Variants in KIZ observed in about 807,000 individuals in gnomAD.
The protein encoded by KIZ is kizuna centrosomal protein.
KIZ carries 68 observed loss-of-function variants against 79.6 expected under a neutral mutation model. That is an observed-to-expected ratio of 0.85 (90% CI 0.70 to 1.05). The LOEUF (loss-of-function observed/expected upper bound fraction) is 1.05, where lower values mean the gene tolerates loss of function less well. Among genes scored for constraint, KIZ ranks in the 50% least tolerant of loss-of-function variants. KIZ has a pLI of 0.00. For synonymous variants in KIZ, 280 were observed against 281.8 expected (o/e 0.99, Z 0.06); for missense variants, 797 against 800.4 (o/e 1.00, Z 0.05).
At chr20:21,173,577 CAAAAAAAAA>C (rs749330317) in intron 6 of KIZ, among the ~76,000 whole-genome samples, 2 of 37,328 alleles carry the variant, frequency 5.4e-5, no homozygotes, top group Non-Finnish European at 1.4e-4. Flanking sequence ...GATGCCGTCT[CAAAAAAAAA>C]AAAAAAAAAA....
At chr20:21,183,034 T>C (rs962323217) in intron 6 of KIZ, among the ~76,000 whole-genome samples, 2 of 152,008 alleles carry the variant, frequency 1.3e-5, no homozygotes, top group Non-Finnish European at 2.9e-5. Context: ...CTAAACAAAA[T>C]TGGGGTCCCA....
chr20:21,214,573 T>C lies in KIZ; in HGVS notation c.1485T>C (p.Cys495=). The C allele has an allele frequency of 6.2e-7, 1 of 1,613,576 alleles. No homozygotes were observed. Among genetic ancestry groups the C allele is most frequent in the African/African-American group, 1.3e-5 (1 of 75,052 alleles). The change falls in exon 8 of 13, where the codon TGT becomes TGC. Residue 495 remains cysteine, a synonymous_variant. Transcript: ENST00000619189. ...TGAGAAAAGCCCTTACAGAAGAGTGTGGCCGTAGGTCAGCTATTCACAGTA... is the reference window on the plus strand; with the variant it reads ...TGAGAAAAGCCCTTACAGAAGAGTGCGGCCGTAGGTCAGCTATTCACAGTA... ...ALLRKALTEE[C]GRRSAIHSSE... is the part of the protein sequence containing the mutation.
intron 6 of KIZ, among the ~76,000 whole-genome samples, chr20:21,181,440 T>C (rs895459162): frequency 1.3e-5 from 2 of 152,116 alleles, no homozygotes; most frequent in African/African-American, 2.4e-5. Context: ...AAATTTGAAT[T>C]ACTGAAAAGC....
chr20:21,229,358 A>T (rs1410404449), intron 10 of KIZ, among the ~76,000 whole-genome samples: 2 of 152,240 alleles, frequency 1.3e-5, no homozygotes, highest in East Asian at 3.9e-4. Context: ...GGATTCTGCC[A>T]AGCATGTCAT....
In KIZ at chr20:21,239,348, G is replaced by A. The variant is rs139498976; in HGVS notation, c.1881-4897G>A. On this transcript the variant is annotated intron_variant, in intron 11 of 12. Coordinates refer to ENST00000619189, the MANE Select transcript of KIZ (RefSeq NM_018474.6). ...TACTGCTTCTCAGGAGGCCCTGTGG[G>A]GCGGGTGTCTACAACGTGTACATTT... Among the ~76,000 whole-genome samples, 453 of 152,282 alleles carry A rather than the reference G, an allele frequency of 3.0e-3. 2 individuals are homozygous for A. Among genetic ancestry groups the A allele is most frequent in the African/African-American group, 0.011 (447 of 41,548 alleles).
chr20:21,244,882 A>G (rs1056432443), intron 12 of KIZ: 6 of 152,944 alleles, frequency 3.9e-5, no homozygotes, highest in African/African-American at 1.4e-4. Flanking sequence ...CTTTGGGTCA[A>G]GCCACAGTCA....
rs1455656585 is a variant in KIZ at position 21,163,071 on chromosome 20, G to T, written c.1264G>T (p.Ala422Ser). 1 of 1,613,628 alleles carries T rather than the reference G, an allele frequency of 6.2e-7. No homozygotes were observed. Among genetic ancestry groups the T allele is most frequent in the Non-Finnish European group, 8.5e-7 (1 of 1,179,586 alleles). The change falls in exon 6 of 13, where the codon GCC becomes TCC. Residue 422 changes from alanine to serine, a missense_variant. Coordinates refer to ENST00000619189, the MANE Select transcript of KIZ (RefSeq NM_018474.6). ...KLIHAEQERVALSTEKNCILQ... is the reference protein window; with the variant it reads ...KLIHAEQERVSLSTEKNCILQ... ...AATCCATGCTGAGCAAGAAAGAGTTGCCCTATCCACTGAAAAAAATTGTAT... is the reference window on the plus strand; with the variant it reads ...AATCCATGCTGAGCAAGAAAGAGTTTCCCTATCCACTGAAAAAAATTGTAT...
intron 3 of KIZ, chr20:21,138,996 A>G (rs1600363019): frequency 6.9e-6 from 1 of 145,300 alleles, no homozygotes; most frequent in African/African-American, 2.6e-5. Context: ...CTCCCATCCA[A>G]GTATGAAACC....
chr20:21,211,779 A>G (rs1229024146), intron 7 of KIZ, among the ~76,000 whole-genome samples: 1 of 152,196 alleles, frequency 6.6e-6, no homozygotes, highest in Non-Finnish European at 1.5e-5. Context: ...TGTGTTACAG[A>G]CGTTTTCCTG....
At chr20:21,129,118 G>A (rs1301430585) in intron 1 of KIZ, among the ~76,000 whole-genome samples, 5 of 152,174 alleles carry the variant, frequency 3.3e-5, no homozygotes, top group African/African-American at 9.7e-5. Context: ...CTGGTTTTTA[G>A]TATTAAATTT....
intron 6 of KIZ, among the ~76,000 whole-genome samples, chr20:21,182,892 A>G (rs2034719251): frequency 6.6e-6 from 1 of 151,544 alleles, no homozygotes; most frequent in Non-Finnish European, 1.5e-5. Context: ...CTCTTTAAAT[A>G]TGTGCTCAAG....
intron 6 of KIZ, among the ~76,000 whole-genome samples, chr20:21,170,037 G>C (rs1335808901): frequency 2.0e-5 from 3 of 152,126 alleles, no homozygotes; most frequent in Admixed American, 6.5e-5. Context: ...ATATCTCTGT[G>C]CAGGTTTTTG....
At chr20:21,238,332 T>C (rs2037095259) in intron 11 of KIZ, among the ~76,000 whole-genome samples, 1 of 94,442 alleles carries the variant, frequency 1.1e-5, no homozygotes, top group Admixed American at 1.1e-4. Context: ...TGCATAAGGG[T>C]GTGAGAGAGA....
intron 4 of KIZ, among the ~76,000 whole-genome samples, chr20:21,146,014 A>G (rs1347021982): frequency 1.3e-5 from 2 of 152,240 alleles, no homozygotes; most frequent in African/African-American, 4.8e-5. Flanking sequence ...GTGCGAATAT[A>G]CATAATTTTG....
At chr20:21,228,973 A>G in intron 9 of KIZ, 38 bp from the exon 10 acceptor site, 1 of 1,191,356 alleles carries the variant, frequency 8.4e-7, no homozygotes, top group Non-Finnish European at 1.2e-6. Context: ...CTGGCCAGTA[A>G]AAAATGTAAT....
At chr20:21,208,218 G>T (rs1026616882) in intron 7 of KIZ, among the ~76,000 whole-genome samples, 1 of 152,018 alleles carries the variant, frequency 6.6e-6, no homozygotes, top group African/African-American at 2.4e-5. Flanking sequence ...AGAAAACATG[G>T]TCCAAGTCCC....
chr20:21,127,955 A>G (rs886263222), intron 1 of KIZ, among the ~76,000 whole-genome samples: 5 of 152,358 alleles, frequency 3.3e-5, no homozygotes, highest in Middle Eastern at 3.4e-3. Flanking sequence ...TTGCAAAGCA[A>G]TGTGTAAAGA....
chr20:21,211,394 G>A (rs981522854), intron 7 of KIZ, among the ~76,000 whole-genome samples: 3 of 152,192 alleles, frequency 2.0e-5, no homozygotes, highest in African/African-American at 7.2e-5. Flanking sequence ...AAGTGAGGGG[G>A]TGGTTTGTTC....
chr20:21,174,676 C>T (rs1031164775), intron 6 of KIZ, among the ~76,000 whole-genome samples: 1 of 152,186 alleles, frequency 6.6e-6, no homozygotes, highest in Non-Finnish European at 1.5e-5. Context: ...CTGTCTCCTC[C>T]TGGAGTGTGA....
Sources: allele counts gnomAD v4.1 joint callset (sites outside exome capture counted in the v4.1 genomes callset), GRCh38; gene constraint gnomAD v4.1.1; transcripts MANE v1.5; gene names NCBI Gene and HGNC (gene_info 2026-07-23, HGNC 2026-07-21).